The following SERPINI1 variants were observed in gnomAD, a reference collection of about 807,000 sequenced individuals.
The protein encoded by SERPINI1 is neuroserpin.
SERPINI1 carries 19 observed loss-of-function variants against 41.1 expected under a neutral mutation model. The ratio of observed to expected loss-of-function variants is 0.46; its 90% CI spans 0.32 to 0.68. The LOEUF (loss-of-function observed/expected upper bound fraction) is 0.68. Ranked by LOEUF, SERPINI1 falls within the 30% of genes least tolerant of loss-of-function variation. The probability of loss-of-function intolerance (pLI) is 0.03; values close to 1 mark genes in which losing one functional copy is unlikely to be tolerated. For synonymous variants in SERPINI1, 138 were observed against 156.6 expected, an observed-to-expected ratio of 0.88 and a Z score of 0.89; for missense variants, 460 against 479.2, an observed-to-expected ratio of 0.96 and a Z score of 0.37.
At chr3:167,754,072 C>T (rs967065117) in intron 1 of SERPINI1, among the ~76,000 whole-genome samples, 1 of 152,128 alleles carries the variant, frequency 6.6e-6, no homozygotes, top group Non-Finnish European at 1.5e-5. Context: ...ATTTATACTC[C>T]CAGTAACTGG....
chr3:167,796,530 C>A (rs1727716912), intron 5 of SERPINI1, among the ~76,000 whole-genome samples: 1 of 151,956 alleles, frequency 6.6e-6, no homozygotes, highest in Non-Finnish European at 1.5e-5. Context: ...CTGACAGGCC[C>A]CAATGTGTGT....
At chr3:167,767,392 G>C (rs1342311194) in intron 1 of SERPINI1, among the ~76,000 whole-genome samples, 5 of 152,132 alleles carry the variant, frequency 3.3e-5, no homozygotes, top group African/African-American at 1.2e-4. Context: ...TCACCCAAGA[G>C]CTCTGATGGA....
chr3:167,740,324 C>G (rs890819305), intron 1 of SERPINI1, among the ~76,000 whole-genome samples: 7 of 152,140 alleles, frequency 4.6e-5, no homozygotes, highest in African/African-American at 1.2e-4. Flanking sequence ...AACCACCATG[C>G]CTTGCTGATA....
At chr3:167,752,457 G>A (rs1012067921) in intron 1 of SERPINI1, among the ~76,000 whole-genome samples, 2 of 151,922 alleles carry the variant, frequency 1.3e-5, no homozygotes, top group East Asian at 1.9e-4. Context: ...ATCCTGACTC[G>A]CCCTTCCTTA....
chr3:167,803,724 C>A (rs1166129219), intron 5 of SERPINI1, among the ~76,000 whole-genome samples: 2 of 152,132 alleles, frequency 1.3e-5, no homozygotes, highest in Non-Finnish European at 2.9e-5. Flanking sequence ...CAAAAAGAAT[C>A]CCCTACTAAT....
intron 1 of SERPINI1, among the ~76,000 whole-genome samples, chr3:167,772,086 G>A (rs1374151170): frequency 6.6e-6 from 1 of 152,166 alleles, no homozygotes; most frequent in African/African-American, 2.4e-5. Flanking sequence ...ATAGGTTTCA[G>A]TTTCTTAATC....
At chr3:167,740,713 C>T (rs1015440370) in intron 1 of SERPINI1, among the ~76,000 whole-genome samples, 12 of 152,090 alleles carry the variant, frequency 7.9e-5, no homozygotes, top group African/African-American at 2.9e-4. Flanking sequence ...CTTGCGCGCG[C>T]GCTTGTGTGC....
At chr3:167,757,580 C>T (rs1179450686) in intron 1 of SERPINI1, among the ~76,000 whole-genome samples, 2 of 152,052 alleles carry the variant, frequency 1.3e-5, no homozygotes, top group Admixed American at 1.3e-4. Flanking sequence ...TGTAATCATA[C>T]TCCGTGTTGG....
chr3:167,792,981 C>A (rs1727581673), intron 4 of SERPINI1, among the ~76,000 whole-genome samples, 197 bp downstream of exon 4: 1 of 152,066 alleles, frequency 6.6e-6, no homozygotes. Flanking sequence ...AGAGTATTTT[C>A]AAATTTATAA....
rs1161668820 is a variant in SERPINI1 at position 167,772,864 on chromosome 3, C to CTATATATATATATATATA, written c.-18-16234_-18-16217dup. 1.2e-3 allele frequency among the ~76,000 whole-genome samples: 30 copies of CTATATATATATATATATA among 24,632 alleles called. 2 individuals are homozygous for CTATATATATATATATATA. The highest frequency in any genetic ancestry group is 3.4e-3 in the East Asian group (1 of 294). 16.2% of individuals were successfully genotyped at this position (24,632 alleles called of 152,430 possible). On this transcript the variant is annotated intron_variant, in intron 1 of 8. Coordinates refer to ENST00000446050, the MANE Select transcript of SERPINI1 (RefSeq NM_001122752.2). The stretch of plus-strand genomic sequence containing the variant: ...TCTCTCTCTCTCTCTCTCTCTCTCT[C>CTATATATATATATATATA]TATATATATATATATATATATATAT...
chr3:167,739,244 G>A (rs1248794180), intron 1 of SERPINI1, among the ~76,000 whole-genome samples: 1 of 151,542 alleles, frequency 6.6e-6, no homozygotes, highest in Non-Finnish European at 1.5e-5. Context: ...TTAGTCCTGA[G>A]CACTTTATGT....
At chr3:167,797,501 C>T (rs1261234267) in intron 5 of SERPINI1, among the ~76,000 whole-genome samples, 3 of 151,884 alleles carry the variant, frequency 2.0e-5, no homozygotes, top group African/African-American at 7.3e-5. Flanking sequence ...GTCTTTAATC[C>T]ATCTTGAGTT....
At chr3:167,749,986 T>TA (rs1362108728) in intron 1 of SERPINI1, among the ~76,000 whole-genome samples, 1 of 152,160 alleles carries the variant, frequency 6.6e-6, no homozygotes, top group African/African-American at 2.4e-5. Flanking sequence ...CAGAAAGTTT[T>TA]AAAAAATGAC....
intron 5 of SERPINI1, among the ~76,000 whole-genome samples, chr3:167,805,447 G>T (rs1040640039): frequency 6.6e-6 from 1 of 152,134 alleles, no homozygotes; most frequent in Admixed American, 6.6e-5. Context: ...ATTAGACCTT[G>T]TCAGATGGAT....
rs544558998 is a variant in SERPINI1, at chr3:167,806,949, A to G, written c.882-295A>G. Among the ~76,000 whole-genome samples, 18 of 152,276 alleles carry G rather than the reference A, an allele frequency of 1.2e-4. No individual in the cohort carries two copies. The East Asian group carries it at 3.5e-3, about 29-fold the overall frequency. ...CTCAATACTATGATACTAAGTAATCATATGGTAATGATACTTGATCTCAAA... is the reference window on the plus strand; with the variant it reads ...CTCAATACTATGATACTAAGTAATCGTATGGTAATGATACTTGATCTCAAA... On this transcript the variant is annotated intron_variant, in intron 5 of 8. Coordinates refer to ENST00000446050, the MANE Select transcript of SERPINI1 (RefSeq NM_001122752.2).
intron 1 of SERPINI1, among the ~76,000 whole-genome samples, chr3:167,778,244 A>G (rs1727020952): frequency 6.6e-6 from 1 of 152,326 alleles, no homozygotes; most frequent in Middle Eastern, 3.4e-3. Context: ...TTACAGCCCA[A>G]TGGGTTCTTC....
At chr3:167,744,137 G>C (rs1725766310) in intron 1 of SERPINI1, among the ~76,000 whole-genome samples, 1 of 152,010 alleles carries the variant, frequency 6.6e-6, no homozygotes, top group Non-Finnish European at 1.5e-5. Flanking sequence ...AGACAAAACT[G>C]AGTTCAAATT....
At chr3:167,745,449 T>G (rs1043062027) in intron 1 of SERPINI1, among the ~76,000 whole-genome samples, 1 of 151,992 alleles carries the variant, frequency 6.6e-6, no homozygotes, top group African/African-American at 2.4e-5. Flanking sequence ...ATAATTTTTT[T>G]AAAAAACATA....
chr3:167,793,592 A>AT lies in SERPINI1; in HGVS notation c.676+809dup, dbSNP rs1407073250. Among the ~76,000 whole-genome samples the AT allele has an allele frequency of 5.3e-3, 550 of 103,458 alleles. 4 individuals are homozygous for AT. Among genetic ancestry groups the AT allele is most frequent in the African/African-American group, 0.017 (390 of 22,958 alleles). 67.9% of individuals were successfully genotyped at this position (103,458 alleles called of 152,430 possible). A position where few individuals can be genotyped will look rare whatever the true frequency, so the allele number is the denominator to read the frequency against. On this transcript the variant is annotated intron_variant, in intron 4 of 8. Coordinates refer to ENST00000446050, the MANE Select transcript of SERPINI1 (RefSeq NM_001122752.2). ...TCTCTACAAATATATATATATATATATATATTTTTAATTAGCTAGGCATAA... is the reference window on the plus strand; with the variant it reads ...TCTCTACAAATATATATATATATATATTATATTTTTAATTAGCTAGGCATAA...
Sources: gnomAD v4.1 joint callset for allele counts (sites outside exome capture counted in the v4.1 genomes callset) on GRCh38, gnomAD v4.1.1 for gene constraint, MANE v1.5 for transcripts, NCBI Gene and HGNC (gene_info 2026-07-23, HGNC 2026-07-21) for gene names.